Variants in FRMD6 observed in about 807,000 individuals in gnomAD.
The protein encoded by FRMD6 is FERM domain-containing protein 6.
Under a neutral mutation model 73.2 loss-of-function variants are expected in FRMD6, and 37 were observed. That is an observed-to-expected ratio of 0.51 (90% CI 0.39 to 0.66). FRMD6 has a LOEUF of 0.66. Among genes scored for constraint, FRMD6 ranks in the 30% least tolerant of loss-of-function variants. The pLI, the probability that FRMD6 is intolerant of heterozygous loss-of-function variation, is 0.00. For missense variants in FRMD6, 714 were observed against 780.5 expected (o/e 0.91, Z 1.02); for synonymous variants, 273 against 282.2 (o/e 0.97, Z 0.33).
chr14:51,398,321 GA>G, the FRMD6 span, among the ~76,000 whole-genome samples: 1 of 152,042 alleles, frequency 6.6e-6, no homozygotes, highest in African/African-American at 2.4e-5. Context: ...ACACATAGAG[GA>G]GGCTGTATTC....
the FRMD6 span, among the ~76,000 whole-genome samples, chr14:51,440,394 T>A: frequency 6.6e-6 from 1 of 152,260 alleles, no homozygotes; most frequent in Non-Finnish European, 1.5e-5. Flanking sequence ...ATCCAAGGGT[T>A]TAGCTGGCCT....
intron 2 of FRMD6, among the ~76,000 whole-genome samples, chr14:51,646,818 T>A (rs186173925): frequency 6.6e-6 from 1 of 151,786 alleles, no homozygotes; most frequent in East Asian, 1.9e-4. Flanking sequence ...CAACTATATT[T>A]TAGTTAGTAG....
intron 2 of FRMD6, among the ~76,000 whole-genome samples, chr14:51,580,307 A>C (rs1888648171): frequency 6.6e-6 from 1 of 152,240 alleles, no homozygotes; most frequent in African/African-American, 2.4e-5. Flanking sequence ...AATTCTGCCC[A>C]GCAGGCTCAA....
chr14:51,504,070 G>A (rs1408989220), intron 1 of FRMD6, among the ~76,000 whole-genome samples: 1 of 152,058 alleles, frequency 6.6e-6, no homozygotes, highest in East Asian at 1.9e-4. Flanking sequence ...GGGGTCAGTG[G>A]TGATATCCCC....
intron 1 of FRMD6, among the ~76,000 whole-genome samples, chr14:51,520,693 T>C (rs1230031371): frequency 6.6e-6 from 1 of 151,620 alleles, no homozygotes; most frequent in African/African-American, 2.4e-5. Context: ...AGCCCAGGAG[T>C]TTGAGACCAG....
chr14:51,444,072 G>T, the FRMD6 span, among the ~76,000 whole-genome samples: 2 of 151,894 alleles, frequency 1.3e-5, no homozygotes, highest in South Asian at 2.1e-4. Context: ...GGGATTACAG[G>T]CAACTGACAC....
chr14:51,680,794 G>T (rs1308940197), intron 1 of FRMD6, among the ~76,000 whole-genome samples: 1 of 152,012 alleles, frequency 6.6e-6, no homozygotes, highest in African/African-American at 2.4e-5. Context: ...TTACTAATCT[G>T]TTCCTGTCTT....
At chr14:51,545,577 C>T (rs1186223729) in intron 1 of FRMD6, among the ~76,000 whole-genome samples, 1 of 152,058 alleles carries the variant, frequency 6.6e-6, no homozygotes, top group South Asian at 2.1e-4. Context: ...GTCAATCTGG[C>T]TTCCCTCTCA....
rs1464211298 is a variant in FRMD6 at position 51,655,642 on chromosome 14, A to G, written c.-147+3646A>G. 2.6e-5 allele frequency among the ~76,000 whole-genome samples: 4 copies of G among 152,326 alleles called. No homozygotes were observed. In the East Asian group the frequency reaches 7.7e-4, roughly 29 times the overall value. ...ACTGGACATTGAATTGCAAGGAAAA[A>G]GTTAGAAGGATAAGTATTTAAAACA... is the stretch of plus-strand genomic sequence containing the variant. On this transcript the variant is annotated intron_variant, in intron 1 of 13. Coordinates refer to ENST00000344768, the MANE Select transcript of FRMD6 (RefSeq NM_001267046.2).
At chr14:51,634,234 G>A (rs1283707680) in intron 2 of FRMD6, among the ~76,000 whole-genome samples, 1 of 152,090 alleles carries the variant, frequency 6.6e-6, no homozygotes, top group Non-Finnish European at 1.5e-5. Context: ...ATTACACGTT[G>A]GGAGATAGTA....
the FRMD6 span, among the ~76,000 whole-genome samples, chr14:51,477,737 C>T: frequency 2.2e-5 from 3 of 134,210 alleles, no homozygotes; most frequent in Non-Finnish European, 3.2e-5. Flanking sequence ...TTTTCTTTTT[C>T]TTTTTTTTTT....
At chr14:51,651,479 C>G (rs903313966), upstream of FRMD6, 1 of 152,066 alleles carries the variant, frequency 6.6e-6, no homozygotes, top group Admixed American at 6.5e-5. Context: ...CCGAGGGAGT[C>G]CAGCCGGAGG....
chr14:51,616,369 A>G (rs1566504764), intron 2 of FRMD6, among the ~76,000 whole-genome samples: 1 of 152,180 alleles, frequency 6.6e-6, no homozygotes, highest in South Asian at 2.1e-4. Context: ...CAGGTCCTGG[A>G]GTGACTGTAA....
At position 51,638,720 on chromosome 14, in the gene FRMD6, G is replaced by C. The variant is rs149346542; in HGVS notation, c.-146-50971G>C. Among the ~76,000 whole-genome samples the C allele has an allele frequency of 2.9e-4, 44 of 152,306 alleles. No individual in the cohort carries two copies. The East Asian group carries it at 7.9e-3, about 27-fold the overall frequency. On this transcript the variant is annotated intron_variant, in intron 2 of 14. Transcript: ENST00000356218. ...TGTAGAGGGGTGTAGCAACCTATCT[G>C]AGAACTTTGATCATTCTTTTTTAGT...
At chr14:51,702,624 T>C (rs977947293) in intron 5 of FRMD6, 36 bp downstream of exon 5, 3 of 1,523,506 alleles carry the variant, frequency 2.0e-6, no homozygotes, top group East Asian at 2.3e-5. Context: ...ACGCTTTTTT[T>C]TCCCCCATAG....
the FRMD6 span, among the ~76,000 whole-genome samples, chr14:51,429,363 C>T: frequency 6.6e-6 from 1 of 152,138 alleles, no homozygotes; most frequent in Non-Finnish European, 1.5e-5. Context: ...AACTCTCCCC[C>T]AGGTGATTCT....
At chr14:51,466,299 T>C in the FRMD6 span, among the ~76,000 whole-genome samples, 4 of 152,242 alleles carry the variant, frequency 2.6e-5, no homozygotes, top group African/African-American at 2.4e-5. Context: ...TTGTAATTCA[T>C]GCTTTTTGAG....
the FRMD6 span, among the ~76,000 whole-genome samples, chr14:51,433,943 CTG>C: frequency 6.6e-6 from 1 of 152,176 alleles, no homozygotes; most frequent in African/African-American, 2.4e-5. Context: ...ATAAAACGAA[CTG>C]TACGCAAATA....
At chr14:51,399,623 A>G in the FRMD6 span, among the ~76,000 whole-genome samples, 1 of 152,220 alleles carries the variant, frequency 6.6e-6, no homozygotes, top group Non-Finnish European at 1.5e-5. Context: ...TTATATCACA[A>G]TAGGCTTAGC....
Sources: allele counts gnomAD v4.1 joint callset (sites outside exome capture counted in the v4.1 genomes callset), GRCh38; gene constraint gnomAD v4.1.1; transcripts MANE v1.5; gene names NCBI Gene and HGNC (gene_info 2026-07-23, HGNC 2026-07-21).